The following KCNH1 variants were observed in gnomAD, a reference collection of about 807,000 sequenced individuals.
KCNH1 encodes potassium voltage-gated channel subfamily H member 1.
KCNH1 carries 27 observed loss-of-function variants against 69.2 expected under a neutral mutation model. The ratio of observed to expected loss-of-function variants is 0.39; its 90% CI spans 0.29 to 0.54. The LOEUF is 0.54. KCNH1 is among the 20% of genes least tolerant of loss of function. The probability of loss-of-function intolerance (pLI) is 0.68; values close to 1 mark genes in which losing one functional copy is unlikely to be tolerated. For missense variants in KCNH1, 798 were observed against 1,261.6 expected (o/e 0.63, Z 5.57); for synonymous variants, 456 against 487.7 (o/e 0.93, Z 0.86).
chr1:211,003,986 G>C (rs975295814), intron 6 of KCNH1, among the ~76,000 whole-genome samples: 2 of 152,044 alleles, frequency 1.3e-5, no homozygotes. Flanking sequence ...CCAGCTACTT[G>C]GAAGGCTGAG....
At chr1:211,010,515 C>T (rs1689373553) in intron 6 of KCNH1, among the ~76,000 whole-genome samples, 1 of 152,064 alleles carries the variant, frequency 6.6e-6, no homozygotes, top group South Asian at 2.1e-4. Flanking sequence ...GATTTGAACA[C>T]AATGAATGTC....
chr1:210,696,841 G>C (rs995397228), intron 10 of KCNH1, among the ~76,000 whole-genome samples: 1 of 152,154 alleles, frequency 6.6e-6, no homozygotes, highest in Non-Finnish European at 1.5e-5. Context: ...CAAGGAAGGG[G>C]GCAGAGTTTT....
At chr1:210,979,524 T>G (rs770688962) in intron 6 of KCNH1, among the ~76,000 whole-genome samples, 1 of 152,204 alleles carries the variant, frequency 6.6e-6, no homozygotes. Context: ...ATATTTCCCA[T>G]TGAGTGAATT....
intron 5 of KCNH1, among the ~76,000 whole-genome samples, chr1:211,034,089 A>T (rs1689849795): frequency 6.6e-6 from 1 of 152,206 alleles, no homozygotes; most frequent in Non-Finnish European, 1.5e-5. Context: ...CTGGGCATTT[A>T]TCCCAGAAGA....
chr1:211,034,198 A>C (rs1273209324), intron 5 of KCNH1, among the ~76,000 whole-genome samples: 3 of 152,202 alleles, frequency 2.0e-5, no homozygotes, highest in Non-Finnish European at 4.4e-5. Flanking sequence ...ATCCTTCAAC[A>C]GATAAATGGT....
chr1:211,086,203 T>C (rs1690949574), intron 4 of KCNH1, among the ~76,000 whole-genome samples: 1 of 152,166 alleles, frequency 6.6e-6, no homozygotes, highest in Admixed American at 6.5e-5. Flanking sequence ...TTTTTTTCTC[T>C]CATCACCCTA....
chr1:210,925,856 C>A (rs1452717433), intron 6 of KCNH1, among the ~76,000 whole-genome samples: 1 of 152,332 alleles, frequency 6.6e-6, no homozygotes, highest in South Asian at 2.1e-4. Flanking sequence ...CCTGAGAAAC[C>A]TGAATACTTA....
chr1:211,115,301 G>T (rs772226982), intron 1 of KCNH1, among the ~76,000 whole-genome samples: 2 of 152,060 alleles, frequency 1.3e-5, no homozygotes, highest in East Asian at 1.9e-4. Flanking sequence ...AATTAATATC[G>T]TTAACATGTT....
At chr1:210,861,071 T>G (rs1685968109) in intron 7 of KCNH1, 1 of 918,388 alleles carries the variant, frequency 1.1e-6, no homozygotes. Context: ...CTCCTTCCTC[T>G]TACTATGGGC....
Position 210,805,455 on chromosome 1 carries a change from C to A in KCNH1, c.1463-1289G>T, listed in dbSNP as rs1558477072. The stretch of plus-strand genomic sequence containing the variant: ...TGTCATGCCTCTTTGTAATCCCTCC[C>A]TCCCATCCCCACCTGCTTTCCACCT... On this transcript the variant is annotated intron_variant, in intron 7 of 10. Coordinates refer to ENST00000271751, the MANE Select transcript of KCNH1 (RefSeq NM_172362.3). Among the ~76,000 whole-genome samples, 4 of 152,218 alleles carry A rather than the reference C, an allele frequency of 2.6e-5. No homozygotes were observed. The South Asian group carries it at 8.3e-4, about 32-fold the overall frequency.
In KCNH1 at chr1:211,111,362, G is replaced by A. The variant is rs890923052; in HGVS notation, c.80-3985C>T. Among the ~76,000 whole-genome samples the A allele has an allele frequency of 2.7e-5, 4 of 146,944 alleles. No homozygotes were observed. In the East Asian group the frequency reaches 6.2e-4, roughly 23 times the overall value. On this transcript the variant is annotated intron_variant, in intron 1 of 10. Coordinates refer to ENST00000271751, the MANE Select transcript of KCNH1 (RefSeq NM_172362.3). Reference sequence around the variant, plus strand: ...CCGGCCCCCCCACCGTCTGGGAAGTGAGGAGCACCTCTGCCCGGCCACCGC... The same window carrying A: ...CCGGCCCCCCCACCGTCTGGGAAGTAAGGAGCACCTCTGCCCGGCCACCGC...
chr1:210,807,568 G>A (rs975972076), intron 7 of KCNH1, among the ~76,000 whole-genome samples: 1 of 151,636 alleles, frequency 6.6e-6, no homozygotes, highest in Admixed American at 6.6e-5. Flanking sequence ...CCAAGATTGT[G>A]CCACTGCACT....
chr1:211,129,032 G>T (rs1691831672), intron 1 of KCNH1, among the ~76,000 whole-genome samples: 1 of 152,330 alleles, frequency 6.6e-6, no homozygotes, highest in Non-Finnish European at 1.5e-5. Flanking sequence ...CCATCAGGAG[G>T]GAGGTTCTGG....
chr1:210,971,778 T>A (rs189000426), intron 6 of KCNH1, among the ~76,000 whole-genome samples: 7 of 152,282 alleles, frequency 4.6e-5, no homozygotes, highest in Admixed American at 4.6e-4. Context: ...TCTGAACTTA[T>A]TTTCTGGTAT....
intron 5 of KCNH1, among the ~76,000 whole-genome samples, chr1:211,054,871 G>A (rs1690274145): frequency 6.6e-6 from 1 of 151,908 alleles, no homozygotes; most frequent in South Asian, 2.1e-4. Flanking sequence ...AGAGAGAAAG[G>A]AAGGGATGGT....
intron 10 of KCNH1, among the ~76,000 whole-genome samples, chr1:210,694,989 A>C (rs1422171470): frequency 6.6e-6 from 1 of 152,232 alleles, no homozygotes; most frequent in African/African-American, 2.4e-5. Flanking sequence ...TGAGAATGAG[A>C]AAGGGAAGGG....
intron 10 of KCNH1, among the ~76,000 whole-genome samples, chr1:210,744,738 A>G (rs1329833975): frequency 1.3e-5 from 2 of 152,070 alleles, no homozygotes; most frequent in African/African-American, 4.8e-5. Flanking sequence ...GGGGTCATGA[A>G]TTTACCTTTT....
intron 7 of KCNH1, chr1:210,862,417 C>A: frequency 1.8e-6 from 1 of 549,688 alleles, no homozygotes; most frequent in East Asian, 3.6e-5. Context: ...CTCACTGTAA[C>A]CTTGAACTCC....
At chr1:211,070,026 A>G (rs1187983588) in intron 5 of KCNH1, among the ~76,000 whole-genome samples, 1 of 152,218 alleles carries the variant, frequency 6.6e-6, no homozygotes, top group African/African-American at 2.4e-5. Flanking sequence ...TAAGACAAGA[A>G]CAAAAGAAAT....
Sources: allele counts gnomAD v4.1 joint callset (sites outside exome capture counted in the v4.1 genomes callset), GRCh38; gene constraint gnomAD v4.1.1; transcripts MANE v1.5; gene names NCBI Gene and HGNC (gene_info 2026-07-23, HGNC 2026-07-21).